LRRN1: variants seen among roughly 807,000 people sequenced by gnomAD.
LRRN1 encodes leucine rich repeat neuronal 1.
In LRRN1, 14 loss-of-function variants were observed where a neutral mutation model predicts 45.8. The observed-to-expected ratio is 0.31, with a 90% CI of 0.20 to 0.48. LRRN1 has a LOEUF of 0.48. Ranked by LOEUF, LRRN1 falls within the 20% of genes least tolerant of loss-of-function variation. The pLI is 0.99. For missense variants in LRRN1, 789 were observed against 874.2 expected (o/e 0.90, Z 1.23); for synonymous variants, 359 against 330.1 (o/e 1.09, Z -0.95).
At position 3,844,689 on chromosome 3, in the gene LRRN1, C is replaced by T; in HGVS notation, c.48C>T (p.Gly16=). 6.2e-7 allele frequency: 1 copy of T among 1,614,030 alleles called. No homozygotes were observed. The highest frequency in any genetic ancestry group is 8.5e-7 in the Non-Finnish European group (1 of 1,179,948). ...FVIAACQLVL[G]LLMTSLTESS... ...TAGCAGCTTGCCAATTGGTGCTGGG[C>T]CTACTAATGACTTCATTAACCGAGT... Residue 16 remains glycine (G), a synonymous_variant, in exon 2 of 2, where the codon GGC becomes GGT. Coordinates refer to ENST00000319331, the MANE Select transcript of LRRN1 (RefSeq NM_020873.7).
intron 1 of LRRN1, among the ~76,000 whole-genome samples, chr3:3,834,529 T>TATATATATATATATATATG (rs1693450324): frequency 1.0e-5 from 1 of 97,098 alleles, no homozygotes; most frequent in Admixed American, 1.0e-4. Context: ...GAACAGGATA[T>TATATATATATATATATATG]ATATATATAT....
chr3:3,839,659 G>C (rs946800777), intron 1 of LRRN1, among the ~76,000 whole-genome samples: 1 of 151,946 alleles, frequency 6.6e-6, no homozygotes, highest in Non-Finnish European at 1.5e-5. Context: ...ATTTATTTTG[G>C]TTATCTCTTA....
intron 1 of LRRN1, among the ~76,000 whole-genome samples, chr3:3,817,404 G>A (rs886903338): frequency 2.3e-4 from 35 of 152,336 alleles, no homozygotes; most frequent in Admixed American, 7.8e-4. Context: ...ATGTGGTTGA[G>A]TTCTATCAAG....
At chr3:3,834,285 C>T (rs983965924) in intron 1 of LRRN1, among the ~76,000 whole-genome samples, 3 of 151,762 alleles carry the variant, frequency 2.0e-5, no homozygotes, top group African/African-American at 4.8e-5. Context: ...AGCAGTGAAT[C>T]AGGAGTGTCA....
chr3:3,834,344 T>G (rs1179540261), intron 1 of LRRN1, among the ~76,000 whole-genome samples: 1 of 151,168 alleles, frequency 6.6e-6, no homozygotes, highest in Non-Finnish European at 1.5e-5. Flanking sequence ...ACAACGACTA[T>G]CAGTGTTCTC....
rs1473292362 is a variant in LRRN1 at position 3,848,746 on chromosome 3, C to G, written c.*1954C>G. Among the ~76,000 whole-genome samples the G allele has an allele frequency of 6.6e-6, 1 of 152,108 alleles. No homozygotes were observed. Among genetic ancestry groups the G allele is most frequent in the Non-Finnish European group, 1.5e-5 (1 of 68,024 alleles). On this transcript the variant is annotated 3_prime_UTR_variant, in exon 2 of 2. Transcript: ENST00000319331. Reference sequence around the variant, plus strand: ...GGGAGGGCTTGCAGCTTACCCAGTTCGGACTCCTGCCAGTTCAGCGCTCTG... The same window carrying G: ...GGGAGGGCTTGCAGCTTACCCAGTTGGGACTCCTGCCAGTTCAGCGCTCTG...
intron 1 of LRRN1, chr3:3,822,612 G>A (rs1693127395): frequency 6.6e-6 from 1 of 152,122 alleles, no homozygotes; most frequent in Non-Finnish European, 1.5e-5. Context: ...GGTGTAGAGA[G>A]ATCACAAAGA....
In LRRN1 at chr3:3,845,915, T is replaced by C. The variant is rs776257390; in HGVS notation, c.1274T>C (p.Met425Thr). The C allele has an allele frequency of 2.7e-5, 43 of 1,614,140 alleles. No individual in the cohort carries two copies. Among genetic ancestry groups the C allele is most frequent in the Non-Finnish European group, 3.4e-5 (40 of 1,179,998 alleles). ...GATTCGAGTGAACAGTGCCTCCCAA[T>C]GATATCTCACGACAGCTTCCCAAAT... ...IQDSSEQCLP[M>T]ISHDSFPNRL... Residue 425 changes from methionine (M) to threonine (T), a missense_variant, in exon 2 of 2, where the codon ATG becomes ACG. Physicochemically the swap from Met to Thr is moderately conservative, Grantham distance 81 (BLOSUM62 -1). Coordinates refer to ENST00000319331, the MANE Select transcript of LRRN1 (RefSeq NM_020873.7). The surrounding 1 kb of genome is among the most constrained non-coding windows in gnomAD (Gnocchi z 6.5).
chr3:3,819,002 A>G (rs1065857), intron 1 of LRRN1, among the ~76,000 whole-genome samples: 3 of 135,000 alleles, frequency 2.2e-5, no homozygotes, highest in African/African-American at 9.8e-5. Flanking sequence ...CTTTACTTTT[A>G]TTTTTTTTGA....
At chr3:3,830,096 T>C (rs1693332769) in intron 1 of LRRN1, among the ~76,000 whole-genome samples, 1 of 152,160 alleles carries the variant, frequency 6.6e-6, no homozygotes, top group Non-Finnish European at 1.5e-5. Flanking sequence ...CATGGACTCT[T>C]TGAGCAACGA....
intron 1 of LRRN1, among the ~76,000 whole-genome samples, chr3:3,844,043 A>G (rs2106471395): frequency 6.6e-6 from 1 of 151,674 alleles, no homozygotes; most frequent in East Asian, 2.0e-4. Flanking sequence ...GAGTGTGTGC[A>G]TTTGTGTGTG....
At chr3:3,837,339 C>G (rs201576364) in intron 1 of LRRN1, among the ~76,000 whole-genome samples, 3 of 152,216 alleles carry the variant, frequency 2.0e-5, no homozygotes, top group East Asian at 3.9e-4. Flanking sequence ...CCTTCCCCCC[C>G]CCATTTTATA....
In LRRN1 at chr3:3,799,567, G is replaced by A. The variant is rs1692593866; in HGVS notation, c.-631G>A. 1 of 152,066 alleles carries A rather than the reference G, an allele frequency of 6.6e-6. No individual in the cohort carries two copies. Among genetic ancestry groups the A allele is most frequent in the Non-Finnish European group, 1.5e-5 (1 of 68,012 alleles). 9.4% of individuals were successfully genotyped at this position (152,066 alleles called of 1,614,324 possible). Reference sequence around the variant, plus strand: ...TCAGCCCGGGCGGCGGCATCCCTAGGCGCCTGGGGCGCCTTCCTCCGGACC... The same window carrying A: ...TCAGCCCGGGCGGCGGCATCCCTAGACGCCTGGGGCGCCTTCCTCCGGACC... On this transcript the variant is annotated 5_prime_UTR_variant, in exon 1 of 2. Transcript: ENST00000319331.
chr3:3,823,426 G>C (rs1452666487), intron 1 of LRRN1, among the ~76,000 whole-genome samples: 2 of 152,030 alleles, frequency 1.3e-5, no homozygotes, highest in South Asian at 2.1e-4. Context: ...AGAAGGTTAG[G>C]TTAAAAGAAG....
At chr3:3,817,357 G>T (rs1438555349) in intron 1 of LRRN1, among the ~76,000 whole-genome samples, 1 of 152,184 alleles carries the variant, frequency 6.6e-6, no homozygotes, top group African/African-American at 2.4e-5. Flanking sequence ...AGGGGCAGAT[G>T]GCGTTACTTT....
chr3:3,830,162 C>T (rs1468432687), intron 1 of LRRN1, among the ~76,000 whole-genome samples: 1 of 152,160 alleles, frequency 6.6e-6, no homozygotes, highest in African/African-American at 2.4e-5. Context: ...TCATCCTATC[C>T]AGTTGATTAT....
At position 3,848,668 on chromosome 3, in the gene LRRN1, C is replaced by T. The variant is rs923847908; in HGVS notation, c.*1876C>T. On this transcript the variant is annotated 3_prime_UTR_variant, in exon 2 of 2. Coordinates refer to ENST00000319331, the MANE Select transcript of LRRN1 (RefSeq NM_020873.7). ...CAACAGAAAAATAAGTACCTGAGCTCGAGGTATCCCTTCCCAAAGCCTTCA... is the reference window on the plus strand; with the variant it reads ...CAACAGAAAAATAAGTACCTGAGCTTGAGGTATCCCTTCCCAAAGCCTTCA... Among the ~76,000 whole-genome samples the T allele has an allele frequency of 1.3e-5, 2 of 152,152 alleles. No homozygotes were observed. Among genetic ancestry groups the T allele is most frequent in the Non-Finnish European group, 2.9e-5 (2 of 68,028 alleles).
chr3:3,817,498 A>G (rs1028125155), intron 1 of LRRN1, among the ~76,000 whole-genome samples: 2 of 152,338 alleles, frequency 1.3e-5, no homozygotes, highest in Middle Eastern at 3.4e-3. Context: ...AAATGTATGC[A>G]CACTTCTGTA....
chr3:3,802,810 A>G (rs1461729883), intron 1 of LRRN1, among the ~76,000 whole-genome samples: 1 of 152,206 alleles, frequency 6.6e-6, no homozygotes, highest in Non-Finnish European at 1.5e-5. Context: ...TTTCTAGACT[A>G]TAAACCATTT....
Sources: gnomAD v4.1 joint callset for allele counts (sites outside exome capture counted in the v4.1 genomes callset) on GRCh38, gnomAD v4.1.1 for gene constraint, Gnocchi (gnomAD v3.1) non-coding constraint, MANE v1.5 for transcripts, NCBI Gene and HGNC (gene_info 2026-07-23, HGNC 2026-07-21) for gene names.